Variants in FHOD3 observed in about 807,000 individuals in gnomAD.
FHOD3 encodes the protein formin homology 2 domain containing 3.
Under a neutral mutation model 173.0 loss-of-function variants are expected in FHOD3, and 90 were observed. That is an observed-to-expected ratio of 0.52 (90% CI 0.44 to 0.62). The LOEUF (loss-of-function observed/expected upper bound fraction) is 0.62, where lower values mean the gene tolerates loss of function less well. FHOD3 is among the 20% of genes least tolerant of loss of function. The pLI is 0.00. For synonymous variants in FHOD3, 828 were observed against 823.0 expected (o/e 1.01, Z -0.10); for missense variants, 1,945 against 2,034.7 (o/e 0.96, Z 0.85).
chr18:36,345,250 A>T lies in FHOD3; in HGVS notation c.166-10289A>T, dbSNP rs187394824. Among the ~76,000 whole-genome samples the T allele has an allele frequency of 1.8e-4, 27 of 152,304 alleles. No homozygotes were observed. The East Asian group carries it at 5.2e-3, about 29-fold the overall frequency. On this transcript the variant is annotated intron_variant, in intron 1 of 28. Coordinates refer to ENST00000590592, the MANE Select transcript of FHOD3 (RefSeq NM_001281740.3). ...TGAAATTAAGCAAGAAATCTACAAT[A>T]AAAGAAGGTATTAGAAAATTCCTAA...
intron 3 of FHOD3, among the ~76,000 whole-genome samples, chr18:36,411,341 C>T (rs965825662): frequency 5.3e-5 from 8 of 151,946 alleles, no homozygotes; most frequent in South Asian, 2.1e-4. Context: ...CTTTGGGATC[C>T]GTTGTGAAGA....
At chr18:36,720,401 C>A (rs554568123) in intron 19 of FHOD3, among the ~76,000 whole-genome samples, 1 of 151,982 alleles carries the variant, frequency 6.6e-6, no homozygotes, top group Non-Finnish European at 1.5e-5. Flanking sequence ...CTACACCCAG[C>A]TAATTTTTGT....
chr18:36,653,545 C>T, intron 13 of FHOD3, 129 bp downstream of exon 13: 1 of 688,982 alleles, frequency 1.5e-6, no homozygotes, highest in African/African-American at 1.8e-5. Flanking sequence ...TGAACCACTT[C>T]ATAGGTATTA....
chr18:36,341,754 G>T (rs530626042), intron 1 of FHOD3, among the ~76,000 whole-genome samples: 3 of 152,268 alleles, frequency 2.0e-5, no homozygotes, highest in South Asian at 4.2e-4. Flanking sequence ...TCCTTGTTTG[G>T]ATTAAGGAGA....
At chr18:36,613,319 A>G (rs1287505405) in intron 9 of FHOD3, among the ~76,000 whole-genome samples, 12 of 152,234 alleles carry the variant, frequency 7.9e-5, no homozygotes, top group Admixed American at 6.5e-4. Flanking sequence ...TTTGGGCTAC[A>G]TATCAGGGCT....
intron 3 of FHOD3, among the ~76,000 whole-genome samples, chr18:36,476,448 G>T (rs1389494325): frequency 1.3e-5 from 2 of 152,218 alleles, no homozygotes; most frequent in Non-Finnish European, 2.9e-5. Context: ...CCCACAGAGG[G>T]CAGGCAGGGC....
chr18:36,766,263 A>G (rs544406316), intron 27 of FHOD3, among the ~76,000 whole-genome samples: 97 of 152,338 alleles, frequency 6.4e-4, no homozygotes, highest in African/African-American at 2.3e-3. Flanking sequence ...TTTTACATTA[A>G]AACAGTAGAA....
chr18:36,416,158 G>A (rs554457921), intron 3 of FHOD3, among the ~76,000 whole-genome samples: 12 of 152,196 alleles, frequency 7.9e-5, no homozygotes, highest in Admixed American at 2.0e-4. Flanking sequence ...TCAGCCTTGC[G>A]AGTAGCTGGG....
At chr18:36,425,188 G>T (rs991837144) in intron 3 of FHOD3, among the ~76,000 whole-genome samples, 1 of 152,172 alleles carries the variant, frequency 6.6e-6, no homozygotes, top group Non-Finnish European at 1.5e-5. Flanking sequence ...TACAATTGTT[G>T]TCTTTTATTA....
chr18:36,324,922 AT>A (rs1165924104), intron 1 of FHOD3, among the ~76,000 whole-genome samples: 7 of 152,214 alleles, frequency 4.6e-5, no homozygotes, highest in Non-Finnish European at 1.0e-4. Flanking sequence ...AATGGAAACA[AT>A]GCAATGTTCA....
chr18:36,560,805 G>T (rs1449869999), intron 5 of FHOD3, among the ~76,000 whole-genome samples: 3 of 146,866 alleles, frequency 2.0e-5, no homozygotes, highest in Non-Finnish European at 4.5e-5. Flanking sequence ...ATAGCTTTGT[G>T]TGTGTGTGTA....
At chr18:36,640,561 A>G (rs1265570857) in intron 10 of FHOD3, among the ~76,000 whole-genome samples, 1 of 152,250 alleles carries the variant, frequency 6.6e-6, no homozygotes, top group Admixed American at 6.5e-5. Context: ...AAATGTAACA[A>G]AATATTTCTA....
intron 3 of FHOD3, among the ~76,000 whole-genome samples, chr18:36,468,241 C>T (rs1483350289): frequency 5.3e-5 from 8 of 152,090 alleles, no homozygotes; most frequent in Non-Finnish European, 8.8e-5. Context: ...TCTGCAGTGC[C>T]GAAGCCATAG....
At chr18:36,440,658 C>T (rs1282721569) in intron 3 of FHOD3, among the ~76,000 whole-genome samples, 2 of 152,222 alleles carry the variant, frequency 1.3e-5, no homozygotes, top group African/African-American at 2.4e-5. Flanking sequence ...GGAGGCCAAG[C>T]TTTGAAATTT....
intron 3 of FHOD3, among the ~76,000 whole-genome samples, chr18:36,431,947 A>C (rs2050574576): frequency 1.3e-5 from 2 of 152,242 alleles, no homozygotes; most frequent in Non-Finnish European, 2.9e-5. Flanking sequence ...CCAATAATGC[A>C]GTTTGCATTT....
At chr18:36,298,043 C>G (rs1328790317) in intron 1 of FHOD3, 43 bp downstream of exon 1, 1 of 1,417,634 alleles carries the variant, frequency 7.1e-7, no homozygotes, top group African/African-American at 1.5e-5. Flanking sequence ...GACTCAGCCC[C>G]CTGCCGCGGT....
intron 1 of FHOD3, among the ~76,000 whole-genome samples, chr18:36,343,185 A>G (rs2045712527): frequency 6.6e-6 from 1 of 152,248 alleles, no homozygotes; most frequent in Non-Finnish European, 1.5e-5. Context: ...GCATATGTCT[A>G]CATAAAAACT....
At chr18:36,514,026 T>TTTTTTTTTTTTTTTTTGTTGG (rs1568369793) in intron 5 of FHOD3, among the ~76,000 whole-genome samples, 1 of 144,004 alleles carries the variant, frequency 6.9e-6, no homozygotes, top group African/African-American at 2.6e-5. Context: ...TTTTTTTTTT[T>TTTTTTTTTTTTTTTTTGTTGG]GAGATGGAGT....
intron 3 of FHOD3, among the ~76,000 whole-genome samples, chr18:36,492,522 CTG>C (rs1308640591): frequency 6.6e-6 from 1 of 152,184 alleles, no homozygotes; most frequent in Admixed American, 6.5e-5. Flanking sequence ...ACGGCTGAGA[CTG>C]TTTTCATTTA....
Sources: gnomAD v4.1 joint callset for allele counts (sites outside exome capture counted in the v4.1 genomes callset) on GRCh38, gnomAD v4.1.1 for gene constraint, MANE v1.5 for transcripts, NCBI Gene and HGNC (gene_info 2026-07-23, HGNC 2026-07-21) for gene names.